SCN11A: variants seen among roughly 807,000 people sequenced by gnomAD.
SCN11A encodes the protein sodium channel protein type 11 subunit alpha.
In SCN11A, 122 loss-of-function variants were observed where a neutral mutation model predicts 162.2. That is an observed-to-expected ratio of 0.75 (90% CI 0.65 to 0.87). The LOEUF (loss-of-function observed/expected upper bound fraction) is 0.87. Ranked by LOEUF, SCN11A falls within the 40% of genes least tolerant of loss-of-function variation. SCN11A has a pLI of 0.00. For missense variants in SCN11A, 2,015 were observed against 2,181.6 expected, an observed-to-expected ratio of 0.92 and a Z score of 1.52; for synonymous variants, 758 against 751.5, an observed-to-expected ratio of 1.01 and a Z score of -0.14.
chr3:38,905,401 G>A, intron 14 of SCN11A, 80 bp from the exon 15 acceptor site: 1 of 1,500,596 alleles, frequency 6.7e-7, no homozygotes, highest in Non-Finnish European at 9.0e-7. Context: ...TTGTTCCAAT[G>A]CTACATGTAA....
chr3:38,927,014 AT>A (rs1163520990), intron 7 of SCN11A, 83 bp from the exon 8 acceptor site: 166 of 1,308,536 alleles, frequency 1.3e-4, no homozygotes, highest in Middle Eastern at 2.5e-4. Context: ...ACTGGCCTTG[AT>A]TTTTTTTTCC....
chr3:38,857,850 A>G (rs1007736797), intron 28 of SCN11A, among the ~76,000 whole-genome samples: 1 of 152,136 alleles, frequency 6.6e-6, no homozygotes. Context: ...TTTAGCCTCC[A>G]TAAACAATAT....
At chr3:38,983,746 A>G (rs1029528534) in intron 2 of SCN11A, among the ~76,000 whole-genome samples, 3 of 152,224 alleles carry the variant, frequency 2.0e-5, no homozygotes, top group African/African-American at 7.2e-5. Flanking sequence ...TGACAGTCCT[A>G]TGGTTTTACG....
At chr3:39,023,647 CT>C (rs201923367) in intron 2 of SCN11A, among the ~76,000 whole-genome samples, 4,422 of 143,842 alleles carry the variant, frequency 0.031, 192 homozygotes, top group African/African-American at 0.1. Context: ...CCCCAACTTT[CT>C]TTTTTTTTTT....
At chr3:38,883,208 T>C in intron 22 of SCN11A, 25 bp downstream of exon 22, 1 of 1,598,706 alleles carries the variant, frequency 6.3e-7, no homozygotes, top group Non-Finnish European at 8.5e-7. Flanking sequence ...ATGCCCAATG[T>C]CTCCACAAGA....
At position 38,883,256 on chromosome 3, in the gene SCN11A, T is replaced by C. The variant is rs1238733769; in HGVS notation, c.3196A>G (p.Ile1066Val). Reference sequence around the variant, plus strand: ...ACCAGTGCCCCACTGCTCAGCAGAATCACAAAGATAATAAAGCTCTCAAAC... The same window carrying C: ...ACCAGTGCCCCACTGCTCAGCAGAACCACAAAGATAATAAAGCTCTCAAAC... Reference protein sequence around the residue: ...SWFESFIIFVILLSSGALIFE... With the variant: ...SWFESFIIFVVLLSSGALIFE... Residue 1066 changes from isoleucine to valine, a missense_variant, in exon 22 of 30, where the codon ATT becomes GTT. Ile to Val is a conservative substitution (Grantham distance 29, BLOSUM62 3). Transcript: ENST00000302328. 1 of 1,613,788 alleles carries C rather than the reference T, an allele frequency of 6.2e-7. No individual in the cohort carries two copies. Among genetic ancestry groups the C allele is most frequent in the South Asian group, 1.1e-5 (1 of 91,050 alleles).
intron 28 of SCN11A, among the ~76,000 whole-genome samples, chr3:38,858,185 C>T (rs1559490175): frequency 6.6e-6 from 1 of 152,062 alleles, no homozygotes; most frequent in Admixed American, 6.6e-5. Flanking sequence ...TCAATACTAA[C>T]GTAGAATGTA....
chr3:38,884,681 T>C (rs6797089), intron 21 of SCN11A, among the ~76,000 whole-genome samples: 40,072 of 152,068 alleles, frequency 0.26, 5,494 homozygotes, highest in African/African-American at 0.33. Context: ...AAAGCCACTA[T>C]ATCCACTCAA....
intron 2 of SCN11A, among the ~76,000 whole-genome samples, chr3:39,002,322 GC>G (rs1312740784): frequency 6.6e-6 from 1 of 152,170 alleles, no homozygotes; most frequent in Non-Finnish European, 1.5e-5. Context: ...CACAACCAGT[GC>G]TTTAATAAAT....
At chr3:38,982,849 C>A (rs2030110660) in intron 2 of SCN11A, among the ~76,000 whole-genome samples, 1 of 152,052 alleles carries the variant, frequency 6.6e-6, no homozygotes, top group Non-Finnish European at 1.5e-5. Flanking sequence ...TGGGGGAGAC[C>A]ATTTTGGGCC....
rs190745103 is a variant in SCN11A, at chr3:38,939,310, G to C, written c.488+6101C>G. Among the ~76,000 whole-genome samples, 236 of 151,656 alleles carry C rather than the reference G, an allele frequency of 1.6e-3. 1 individual carries two copies. Among genetic ancestry groups the C allele is most frequent in the African/African-American group, 5.6e-3 (231 of 41,368 alleles). On this transcript the variant is annotated intron_variant, in intron 7 of 29. Transcript: ENST00000302328. ...AAACTATAGAATAGTTTTTAAAATG[G>C]AATTTAAGATATAGTTTAAAAAAAC...
At chr3:39,042,974 A>AG (rs572798409) in intron 1 of SCN11A, among the ~76,000 whole-genome samples, 5 of 103,662 alleles carry the variant, frequency 4.8e-5, no homozygotes, top group Non-Finnish European at 8.8e-5. Flanking sequence ...AAAAAAAAAA[A>AG]AAAAAGAAAA....
intron 3 of SCN11A, among the ~76,000 whole-genome samples, chr3:38,959,753 C>T (rs772151006): frequency 1.3e-5 from 2 of 152,220 alleles, no homozygotes; most frequent in Non-Finnish European, 2.9e-5. Flanking sequence ...ATATCTCTTT[C>T]CCTCTTCATA....
At chr3:39,029,028 A>C (rs761775217) in intron 2 of SCN11A, among the ~76,000 whole-genome samples, 1 of 152,246 alleles carries the variant, frequency 6.6e-6, no homozygotes, top group Non-Finnish European at 1.5e-5. Context: ...ATGCATCTTT[A>C]TGGATGTATC....
intron 2 of SCN11A, among the ~76,000 whole-genome samples, chr3:39,013,349 A>G (rs1255144377): frequency 6.6e-6 from 1 of 152,222 alleles, no homozygotes; most frequent in African/African-American, 2.4e-5. Context: ...TGTATATGCC[A>G]TAGTTGGAGC....
intron 2 of SCN11A, among the ~76,000 whole-genome samples, chr3:38,985,388 C>T (rs566805836): frequency 8.6e-5 from 13 of 150,754 alleles, no homozygotes; most frequent in African/African-American, 3.0e-4. Context: ...TCTCGGCCTC[C>T]CAAAGTGCTG....
intron 25 of SCN11A, among the ~76,000 whole-genome samples, chr3:38,871,195 T>C (rs994108170): frequency 6.6e-6 from 1 of 152,110 alleles, no homozygotes; most frequent in East Asian, 1.9e-4. Context: ...GCCAGCAAGG[T>C]GCCATACAGG....
intron 2 of SCN11A, among the ~76,000 whole-genome samples, chr3:38,974,709 A>AG (rs1553647128): frequency 5.4e-5 from 7 of 130,454 alleles, no homozygotes; most frequent in South Asian, 4.9e-4. Context: ...AAAAAAAAAA[A>AG]AAAAGAAAAG....
At chr3:38,953,233 G>A (rs927518539) in intron 4 of SCN11A, among the ~76,000 whole-genome samples, 4 of 152,040 alleles carry the variant, frequency 2.6e-5, no homozygotes, top group African/African-American at 9.7e-5. Flanking sequence ...CATAGAGGGG[G>A]ACAACACACA....
Sources: gnomAD v4.1 joint callset for allele counts (sites outside exome capture counted in the v4.1 genomes callset) on GRCh38, gnomAD v4.1.1 for gene constraint, MANE v1.5 for transcripts, NCBI Gene and HGNC (gene_info 2026-07-23, HGNC 2026-07-21) for gene names.